Variants in SPAG16 observed in about 807,000 individuals in gnomAD.
SPAG16 encodes sperm associated antigen 16.
SPAG16 carries 86 observed loss-of-function variants against 80.4 expected under a neutral mutation model. That is an observed-to-expected ratio of 1.07 (90% CI 0.90 to 1.28). The LOEUF (loss-of-function observed/expected upper bound fraction) is 1.28. Among genes scored for constraint, SPAG16 ranks in the 50% most tolerant of loss-of-function variants. The pLI, the probability that SPAG16 is intolerant of heterozygous loss-of-function variation, is 0.00. For synonymous variants in SPAG16, 294 were observed against 265.9 expected, an observed-to-expected ratio of 1.11 and a Z score of -1.03; for missense variants, 870 against 765.3, an observed-to-expected ratio of 1.14 and a Z score of -1.61.
At chr2:214,405,908 G>A (rs1354383287) in intron 15 of SPAG16, among the ~76,000 whole-genome samples, 1 of 152,168 alleles carries the variant, frequency 6.6e-6, no homozygotes, top group South Asian at 2.1e-4. Context: ...AACATGTGAT[G>A]TAAAAAAGAA....
chr2:214,391,256 T>A (rs4625906), intron 15 of SPAG16, among the ~76,000 whole-genome samples: 122,867 of 152,066 alleles, frequency 0.81, 50,584 homozygotes, highest in Non-Finnish European at 0.9. Context: ...TAGAATGATT[T>A]TGAGCAGTAA....
At chr2:214,023,475 T>C (rs1489315043) in intron 13 of SPAG16, among the ~76,000 whole-genome samples, 1 of 151,806 alleles carries the variant, frequency 6.6e-6, no homozygotes, top group Non-Finnish European at 1.5e-5. Flanking sequence ...CTTACAGTCA[T>C]ATCATTTACA....
intron 15 of SPAG16, among the ~76,000 whole-genome samples, chr2:214,400,384 C>CA (rs538241943): frequency 3.3e-5 from 5 of 149,818 alleles, no homozygotes; most frequent in African/African-American, 4.9e-5. Flanking sequence ...TGAAAATATT[C>CA]AAAAAAAAGT....
chr2:213,958,291 A>T (rs2044247260), intron 12 of SPAG16, among the ~76,000 whole-genome samples: 1 of 152,222 alleles, frequency 6.6e-6, no homozygotes, highest in Admixed American at 6.5e-5. Context: ...TCCATGTGGT[A>T]TATGGGAGTC....
At chr2:213,594,552 G>A (rs1454254122) in intron 10 of SPAG16, among the ~76,000 whole-genome samples, 1 of 152,138 alleles carries the variant, frequency 6.6e-6, no homozygotes, top group Non-Finnish European at 1.5e-5. Flanking sequence ...TACCTGGCAA[G>A]CCTCTGTTCA....
chr2:214,211,443 G>A (rs1490153933), intron 15 of SPAG16, among the ~76,000 whole-genome samples: 1 of 152,208 alleles, frequency 6.6e-6, no homozygotes, highest in Non-Finnish European at 1.5e-5. Flanking sequence ...TCAGAATGAA[G>A]TGAAATAATG....
intron 15 of SPAG16, among the ~76,000 whole-genome samples, chr2:214,307,251 T>C (rs983795796): frequency 2.0e-5 from 3 of 152,148 alleles, no homozygotes; most frequent in African/African-American, 4.8e-5. Context: ...TTGTTTCTGA[T>C]TGTGATTATT....
intron 15 of SPAG16, among the ~76,000 whole-genome samples, chr2:214,151,260 A>G (rs1403657079): frequency 1.3e-5 from 2 of 152,086 alleles, no homozygotes; most frequent in Non-Finnish European, 2.9e-5. Context: ...AATTGAAGAA[A>G]CTGGGGAAAA....
chr2:213,286,453 G>T (rs2126042237), intron 1 of SPAG16, among the ~76,000 whole-genome samples: 1 of 152,258 alleles, frequency 6.6e-6, no homozygotes, highest in African/African-American at 2.4e-5. Context: ...CTGTATCCCT[G>T]GGCACTCTTC....
intron 9 of SPAG16, among the ~76,000 whole-genome samples, chr2:213,466,372 G>C (rs999453353): frequency 6.6e-6 from 1 of 152,198 alleles, no homozygotes; most frequent in African/African-American, 2.4e-5. Flanking sequence ...AGCAAGGCTT[G>C]TTTCAATTGG....
At chr2:214,255,268 C>T (rs1023164551) in intron 15 of SPAG16, among the ~76,000 whole-genome samples, 4 of 151,932 alleles carry the variant, frequency 2.6e-5, no homozygotes, top group Non-Finnish European at 4.4e-5. Flanking sequence ...GGAACACATT[C>T]TGTGATGTGG....
chr2:214,148,350 T>C (rs1020184204), intron 14 of SPAG16, among the ~76,000 whole-genome samples: 1 of 152,134 alleles, frequency 6.6e-6, no homozygotes, highest in Non-Finnish European at 1.5e-5. Flanking sequence ...CTGATGAGCC[T>C]GGGCCACTGC....
chr2:213,769,511 G>A (rs1057310425), intron 10 of SPAG16, among the ~76,000 whole-genome samples: 2 of 152,128 alleles, frequency 1.3e-5, no homozygotes, highest in Non-Finnish European at 2.9e-5. Context: ...GCTGTGGCAC[G>A]TGCTTCTCAG....
intron 10 of SPAG16, among the ~76,000 whole-genome samples, chr2:213,824,482 A>C (rs1421616892): frequency 6.6e-6 from 1 of 152,162 alleles, no homozygotes; most frequent in Non-Finnish European, 1.5e-5. Flanking sequence ...TCCCAGCACT[A>C]TTTATGGAAG....
intron 11 of SPAG16, among the ~76,000 whole-genome samples, chr2:213,869,657 T>TC (rs2075873260): frequency 9.8e-6 from 1 of 101,832 alleles, no homozygotes. Context: ...TTTTTTTTTT[T>TC]TTTTGTCTAA....
chr2:214,275,613 T>G (rs542204107), intron 15 of SPAG16, among the ~76,000 whole-genome samples: 37 of 152,340 alleles, frequency 2.4e-4, no homozygotes, highest in African/African-American at 8.9e-4. Context: ...TTGAGTGAGT[T>G]TCTTAATCCT....
chr2:214,011,863 C>A (rs1262350726), intron 12 of SPAG16, among the ~76,000 whole-genome samples: 1 of 151,960 alleles, frequency 6.6e-6, no homozygotes, highest in African/African-American at 2.4e-5. Flanking sequence ...TTTGATGTCT[C>A]AAAAATGCTG....
At chr2:214,236,518 G>T (rs1689088380) in intron 15 of SPAG16, among the ~76,000 whole-genome samples, 2 of 152,014 alleles carry the variant, frequency 1.3e-5, no homozygotes, top group South Asian at 4.1e-4. Flanking sequence ...CGGGCATGGG[G>T]GCGGGCACCT....
At chr2:213,952,782 A>G (rs1003547394) in intron 12 of SPAG16, among the ~76,000 whole-genome samples, 3 of 152,096 alleles carry the variant, frequency 2.0e-5, no homozygotes, top group Non-Finnish European at 4.4e-5. Context: ...TTTGGACTTC[A>G]AAGAAATAAC....
Sources: gnomAD v4.1 joint callset for allele counts (sites outside exome capture counted in the v4.1 genomes callset) on GRCh38, gnomAD v4.1.1 for gene constraint, MANE v1.5 for transcripts, NCBI Gene and HGNC (gene_info 2026-07-23, HGNC 2026-07-21) for gene names.